The following SIRPD variants were observed in gnomAD, a reference collection of about 807,000 sequenced individuals.
SIRPD encodes the protein signal-regulatory protein delta.
Under a neutral mutation model 18.0 loss-of-function variants are expected in SIRPD, and 21 were observed. The observed-to-expected ratio is 1.17, with a 90% CI of 0.83 to 1.68. SIRPD has a LOEUF of 1.68. SIRPD is among the 40% of genes most tolerant of loss of function. The pLI, the probability that SIRPD is intolerant of heterozygous loss-of-function variation, is 0.00. For synonymous variants in SIRPD, 106 were observed against 92.9 expected (o/e 1.14, Z -0.81); for missense variants, 295 against 238.4 (o/e 1.24, Z -1.56).
intron 2 of SIRPD, among the ~76,000 whole-genome samples, chr20:1,542,574 T>C (rs986447049): frequency 2.0e-5 from 3 of 152,236 alleles, no homozygotes; most frequent in African/African-American, 7.2e-5. Context: ...TACAATCATG[T>C]CATCTGTAAA....
At chr20:1,539,764 C>A (rs1568666185) in intron 2 of SIRPD, among the ~76,000 whole-genome samples, 1 of 152,168 alleles carries the variant, frequency 6.6e-6, no homozygotes, top group Non-Finnish European at 1.5e-5. Context: ...AAGCAGCTGC[C>A]ATGTTGTGAG....
At chr20:1,546,330 A>C (rs1385838218) in intron 2 of SIRPD, among the ~76,000 whole-genome samples, 3 of 152,250 alleles carry the variant, frequency 2.0e-5, no homozygotes, top group Non-Finnish European at 4.4e-5. Flanking sequence ...GAGAGGAAGA[A>C]TCTAGAGAGA....
Position 1,534,486 on chromosome 20 carries a change from C to T in SIRPD, c.578-45G>A, listed in dbSNP as rs1600059461. On this transcript the variant is annotated intron_variant, in intron 3 of 3. Transcript: ENST00000381623. Reference sequence around the variant, plus strand: ...AAATAAAATAAAACATTTCTCCCTCCTGCAAGCTAAGAGCAGACACAATTT... The same window carrying T: ...AAATAAAATAAAACATTTCTCCCTCTTGCAAGCTAAGAGCAGACACAATTT... The T allele has an allele frequency of 4.5e-6, 7 of 1,559,918 alleles. No individual in the cohort carries two copies. The East Asian group carries it at 1.6e-4, about 37-fold the overall frequency.
chr20:1,554,357 C>T (rs946417322), intron 1 of SIRPD: 15 of 152,474 alleles, frequency 9.8e-5, no homozygotes, highest in African/African-American at 3.1e-4. Context: ...CTCTGAGGGT[C>T]TGGTTATAGG....
chr20:1,537,979 C>T (rs1226519872), intron 2 of SIRPD, among the ~76,000 whole-genome samples: 1 of 152,118 alleles, frequency 6.6e-6, no homozygotes, highest in African/African-American at 2.4e-5. Flanking sequence ...TTTTCTGTCC[C>T]TAGTCTGGGG....
intron 2 of SIRPD, among the ~76,000 whole-genome samples, chr20:1,549,958 C>T (rs975321071): frequency 6.6e-6 from 1 of 152,158 alleles, no homozygotes; most frequent in Non-Finnish European, 1.5e-5. Context: ...TGACTCAGAA[C>T]ATTTGAATGT....
At chr20:1,535,474 G>T (rs2090941176) in intron 3 of SIRPD, among the ~76,000 whole-genome samples, 1 of 152,106 alleles carries the variant, frequency 6.6e-6, no homozygotes, top group South Asian at 2.1e-4. Flanking sequence ...GGATTAATGG[G>T]TTATCATGGG....
chr20:1,555,714 G>C (rs17794135), intron 1 of SIRPD, among the ~76,000 whole-genome samples: 24,776 of 152,178 alleles, frequency 0.16, 2,421 homozygotes, highest in Middle Eastern at 0.24. Flanking sequence ...TATTTTGAAT[G>C]GTTTTGCCAT....
At chr20:1,537,834 G>C (rs2090954207) in intron 2 of SIRPD, among the ~76,000 whole-genome samples, 1 of 152,186 alleles carries the variant, frequency 6.6e-6, no homozygotes. Flanking sequence ...TTGGGAGGAG[G>C]AGGATAGTTT....
chr20:1,549,353 C>G (rs1600070486), intron 2 of SIRPD, among the ~76,000 whole-genome samples: 1 of 146,850 alleles, frequency 6.8e-6, no homozygotes, highest in Admixed American at 6.8e-5. Context: ...ATGGCCATAA[C>G]AAGCAGTTTC....
At chr20:1,547,008 G>A (rs1020993608) in intron 2 of SIRPD, among the ~76,000 whole-genome samples, 5 of 152,078 alleles carry the variant, frequency 3.3e-5, no homozygotes, top group African/African-American at 1.2e-4. Context: ...AGCATAAAAG[G>A]TTTTAATTTT....
chr20:1,543,161 A>AG (rs1017949174), intron 2 of SIRPD, among the ~76,000 whole-genome samples: 4 of 152,130 alleles, frequency 2.6e-5, no homozygotes, highest in African/African-American at 9.7e-5. Context: ...TGAGTTAGGG[A>AG]GGAGTCCCTC....
chr20:1,556,148 A>G (rs1397877703), intron 1 of SIRPD, among the ~76,000 whole-genome samples: 15 of 152,208 alleles, frequency 9.9e-5, no homozygotes. Context: ...CAAGGGGGAG[A>G]CAGTGCATCA....
chr20:1,548,042 C>A (rs367816220), intron 2 of SIRPD, among the ~76,000 whole-genome samples: 1 of 152,092 alleles, frequency 6.6e-6, no homozygotes, highest in Non-Finnish European at 1.5e-5. Flanking sequence ...GATAGTTTTA[C>A]TTCATTCTTT....
intron 2 of SIRPD, chr20:1,540,231 A>AAT (rs2090964900): frequency 4.4e-6 from 2 of 451,354 alleles, no homozygotes; most frequent in South Asian, 3.1e-5. Flanking sequence ...AGAGAAAGGG[A>AAT]ATATGTTCTC....
At chr20:1,555,488 T>C (rs1012681769) in intron 1 of SIRPD, among the ~76,000 whole-genome samples, 3 of 152,226 alleles carry the variant, frequency 2.0e-5, no homozygotes, top group Non-Finnish European at 4.4e-5. Flanking sequence ...TTTTAAATGT[T>C]CTTACCACAA....
intron 1 of SIRPD, among the ~76,000 whole-genome samples, chr20:1,553,411 T>C (rs1254496317): frequency 1.3e-5 from 2 of 152,142 alleles, no homozygotes; most frequent in African/African-American, 4.8e-5. Flanking sequence ...GAAGAGCCCT[T>C]TGTTTTGGCC....
intron 2 of SIRPD, chr20:1,540,465 T>G: frequency 3.0e-6 from 1 of 336,912 alleles, no homozygotes; most frequent in Admixed American, 3.9e-5. Context: ...CCACAGTCAT[T>G]TTGAACATTT....
intron 2 of SIRPD, among the ~76,000 whole-genome samples, chr20:1,539,826 G>T (rs191555587): frequency 1.3e-5 from 2 of 152,306 alleles, no homozygotes; most frequent in South Asian, 2.1e-4. Context: ...TCAGCCAGTT[G>T]CCCGCAAGGA....
Sources: allele counts gnomAD v4.1 joint callset (sites outside exome capture counted in the v4.1 genomes callset), GRCh38; gene constraint gnomAD v4.1.1; transcripts MANE v1.5; gene names NCBI Gene and HGNC (gene_info 2026-07-23, HGNC 2026-07-21).